UBE3C: variants seen among roughly 807,000 people sequenced by gnomAD.
UBE3C encodes ubiquitin protein ligase E3C.
UBE3C carries 42 observed loss-of-function variants against 129.4 expected under a neutral mutation model. That is an observed-to-expected ratio of 0.32 (90% CI 0.25 to 0.42). The LOEUF (loss-of-function observed/expected upper bound fraction) is 0.42. UBE3C is among the 10% of genes least tolerant of loss of function. The pLI is 1.00. For missense variants in UBE3C, 1,049 were observed against 1,319.1 expected, an observed-to-expected ratio of 0.80 and a Z score of 3.17; for synonymous variants, 510 against 492.4, an observed-to-expected ratio of 1.04 and a Z score of -0.47.
intron 21 of UBE3C, among the ~76,000 whole-genome samples, chr7:157,255,742 G>A (rs1417643939): frequency 6.6e-6 from 1 of 152,014 alleles, no homozygotes; most frequent in African/African-American, 2.4e-5. Flanking sequence ...TAACAATGAG[G>A]GAACAATATA....
At chr7:157,246,079 T>G (rs1796468702) in intron 18 of UBE3C, among the ~76,000 whole-genome samples, 1 of 152,124 alleles carries the variant, frequency 6.6e-6, no homozygotes, top group Non-Finnish European at 1.5e-5. Flanking sequence ...AGATGTTTGC[T>G]TTTGGGAAAA....
chr7:157,144,547 T>A (rs1231569782), intron 1 of UBE3C, among the ~76,000 whole-genome samples: 1 of 152,014 alleles, frequency 6.6e-6, no homozygotes. Flanking sequence ...TGGGAAATAT[T>A]TTGAGACTTA....
chr7:157,208,855 A>G (rs1809512407), intron 13 of UBE3C, among the ~76,000 whole-genome samples: 1 of 152,222 alleles, frequency 6.6e-6, no homozygotes, highest in Non-Finnish European at 1.5e-5. Context: ...AAACACATCT[A>G]GTCAGCTAAA....
At chr7:157,161,112 T>C (rs1808057104) in intron 1 of UBE3C, among the ~76,000 whole-genome samples, 1 of 152,212 alleles carries the variant, frequency 6.6e-6, no homozygotes, top group Non-Finnish European at 1.5e-5. Flanking sequence ...CTAGAACAGA[T>C]AAACAGCATC....
chr7:157,170,846 A>G (rs894445894), intron 4 of UBE3C, among the ~76,000 whole-genome samples: 1 of 152,104 alleles, frequency 6.6e-6, no homozygotes, highest in African/African-American at 2.4e-5. Context: ...CAGTGTTTAC[A>G]TTTTATTATT....
At chr7:157,195,593 C>T (rs1290201834) in intron 10 of UBE3C, among the ~76,000 whole-genome samples, 3 of 152,168 alleles carry the variant, frequency 2.0e-5, no homozygotes, top group South Asian at 2.1e-4. Context: ...TACTGTATGC[C>T]TGTCACACCA....
At chr7:157,230,126 C>G (rs1258967079) in intron 17 of UBE3C, among the ~76,000 whole-genome samples, 1 of 151,078 alleles carries the variant, frequency 6.6e-6, no homozygotes, top group African/African-American at 2.4e-5. Context: ...CCAGGCTGGT[C>G]TCGAACTCCT....
chr7:157,204,347 G>A (rs868470456), intron 11 of UBE3C, among the ~76,000 whole-genome samples: 3 of 145,854 alleles, frequency 2.1e-5, no homozygotes, highest in South Asian at 2.2e-4. Flanking sequence ...CTCCTGAGAC[G>A]AGATTGCGCC....
intron 1 of UBE3C, among the ~76,000 whole-genome samples, chr7:157,158,282 T>C (rs1049618024): frequency 3.3e-5 from 5 of 152,154 alleles, no homozygotes. Context: ...TTTCATGGAC[T>C]GGCCGAGAGA....
At chr7:157,199,381 GA>G (rs71189988) in intron 10 of UBE3C, among the ~76,000 whole-genome samples, 8,761 of 152,140 alleles carry the variant, frequency 0.058, 270 homozygotes, top group South Asian at 0.077. Context: ...AAATATCTCA[GA>G]GATAGGGTAT....
chr7:157,242,516 T>TG (rs398048214), intron 18 of UBE3C, among the ~76,000 whole-genome samples: 23,541 of 127,602 alleles, frequency 0.18, 2,332 homozygotes, highest in African/African-American at 0.29. Context: ...CCTGAGTTGT[T>TG]TTTTTTTTTT....
intron 5 of UBE3C, among the ~76,000 whole-genome samples, chr7:157,178,224 T>C (rs935056352): frequency 6.6e-6 from 1 of 152,150 alleles, no homozygotes; most frequent in Non-Finnish European, 1.5e-5. Context: ...TCAGTCAAAA[T>C]GAGAGTTGAC....
intron 10 of UBE3C, chr7:157,189,244 G>A: frequency 3.1e-6 from 1 of 322,722 alleles, no homozygotes; most frequent in Non-Finnish European, 5.5e-6. Flanking sequence ...TTTGGATTAG[G>A]TGAATGACTT....
intron 3 of UBE3C, among the ~76,000 whole-genome samples, chr7:157,170,046 C>T (rs1808322855): frequency 6.6e-6 from 1 of 151,094 alleles, no homozygotes; most frequent in Non-Finnish European, 1.5e-5. Flanking sequence ...TCTTGAACTC[C>T]TGACCTCAGG....
Position 157,174,957 on chromosome 7 carries a change from G to T in UBE3C, c.381G>T (p.Leu127=). 6.2e-7 allele frequency: 1 copy of T among 1,612,858 alleles called. No individual in the cohort carries two copies. Among genetic ancestry groups the T allele is most frequent in the Non-Finnish European group, 8.5e-7 (1 of 1,179,460 alleles). Residue 127 remains leucine (L), a synonymous_variant, in exon 5 of 23, where the codon CTG becomes CTT. Transcript: ENST00000348165. The part of the protein sequence containing the change: ...LYQNLIKHSS[L]FVKQLDGSER... ...AGAACTTAATTAAACACAGCTCTCT[G>T]TTTGTCAAGCAGTTGGATGGATCTG...
Position 157,186,838 on chromosome 7 carries a change from A to C in UBE3C, c.1148A>C (p.Asp383Ala), listed in dbSNP as rs1808819395. The C allele has an allele frequency of 6.2e-7, 1 of 1,614,028 alleles. No homozygotes were observed. The highest frequency in any genetic ancestry group is 1.3e-5 in the African/African-American group (1 of 74,928). The change falls in exon 10 of 23, where the codon GAT becomes GCT. Residue 383 changes from aspartate (D) to alanine (A), a missense_variant. Asp to Ala is a moderately radical substitution (Grantham distance 126). Coordinates refer to ENST00000348165, the MANE Select transcript of UBE3C (RefSeq NM_014671.3). ...EEADKPSSPE[D>A]GRLSVSYITE... Reference sequence around the variant, plus strand: ...GGTTGTTCTGGTATGTTCTAGGAGGATGGCAGACTGTCAGTATCATACATA... The same window carrying C: ...GGTTGTTCTGGTATGTTCTAGGAGGCTGGCAGACTGTCAGTATCATACATA...
At chr7:157,142,117 C>T (rs1404549494) in intron 1 of UBE3C, among the ~76,000 whole-genome samples, 1 of 152,146 alleles carries the variant, frequency 6.6e-6, no homozygotes, top group Admixed American at 6.5e-5. Context: ...AATTTTGTTT[C>T]CTGACAACTA....
intron 1 of UBE3C, among the ~76,000 whole-genome samples, chr7:157,159,751 C>T (rs998894406): frequency 2.6e-5 from 4 of 152,122 alleles, no homozygotes; most frequent in Non-Finnish European, 4.4e-5. Flanking sequence ...GTAATCCCGG[C>T]GGCGGAGGTT....
At chr7:157,171,680 ATATATATTTTTTTTTTTTTTT>A (rs1808373929) in intron 4 of UBE3C, among the ~76,000 whole-genome samples, 2 of 32,818 alleles carry the variant, frequency 6.1e-5, no homozygotes, top group African/African-American at 2.0e-4. Flanking sequence ...ATATATATAT[ATATATATTTTTTTTTTTTTTT>A]TTTTTTTTTT....
Sources: gnomAD v4.1 joint callset for allele counts (sites outside exome capture counted in the v4.1 genomes callset) on GRCh38, gnomAD v4.1.1 for gene constraint, MANE v1.5 for transcripts, NCBI Gene and HGNC (gene_info 2026-07-23, HGNC 2026-07-21) for gene names.